SIPA1L1: variants seen among roughly 807,000 people sequenced by gnomAD.
SIPA1L1 encodes signal-induced proliferation-associated 1-like protein 1.
Under a neutral mutation model 162.7 loss-of-function variants are expected in SIPA1L1, and 26 were observed. The ratio of observed to expected loss-of-function variants is 0.16; its 90% confidence interval spans 0.12 to 0.22. The LOEUF (loss-of-function observed/expected upper bound fraction) is 0.22, where lower values mean the gene tolerates loss of function less well. SIPA1L1 is among the 10% of genes least tolerant of loss of function. SIPA1L1 has a pLI of 1.00. For synonymous variants in SIPA1L1, 829 were observed against 837.4 expected, an observed-to-expected ratio of 0.99 and a Z score of 0.17; for missense variants, 1,874 against 2,241.0, an observed-to-expected ratio of 0.84 and a Z score of 3.31.
intron 2 of SIPA1L1, among the ~76,000 whole-genome samples, chr14:71,470,271 A>T (rs749301064): frequency 7.2e-5 from 11 of 152,184 alleles, no homozygotes; most frequent in Non-Finnish European, 1.6e-4. Context: ...GTAGATCCTG[A>T]TACGGACACG....
rs562648006 is a variant in SIPA1L1, at chr14:71,476,073, T to C, written c.-464-36670T>C. On this transcript the variant is annotated intron_variant, in intron 2 of 23. Coordinates refer to ENST00000381232, the MANE Select transcript of SIPA1L1 (RefSeq NM_001386936.1). ...TAGAGGCACCGCAGTTGTGGTGGTCTTGATGACACAGTGCAGATGCTCCTG... is the reference window on the plus strand; with the variant it reads ...TAGAGGCACCGCAGTTGTGGTGGTCCTGATGACACAGTGCAGATGCTCCTG... Among the ~76,000 whole-genome samples the C allele has an allele frequency of 4.6e-5, 7 of 152,358 alleles. 1 individual carries two copies. The highest frequency in any genetic ancestry group is 1.7e-4 in the African/African-American group (7 of 41,578).
chr14:71,709,446 C>T lies in SIPA1L1; in HGVS notation c.3990C>T (p.Arg1330=). 6.2e-7 allele frequency: 1 copy of T among 1,614,240 alleles called. No homozygotes were observed. Among genetic ancestry groups the T allele is most frequent in the Non-Finnish European group, 8.5e-7 (1 of 1,180,046 alleles). The change falls in exon 17 of 24, where the codon CGC becomes CGT. Residue 1330 remains arginine, a synonymous_variant. Coordinates refer to ENST00000381232, the MANE Select transcript of SIPA1L1 (RefSeq NM_001386936.1). ...ASLGAATSSP[R]SGPGKEKVAP... ...TGGGGGCTGCCACATCGTCACCTCG[C>T]TCAGGGCCAGGCAAGGAGAAAGTGG...
At chr14:71,722,723 A>C (rs980192796) in intron 17 of SIPA1L1, among the ~76,000 whole-genome samples, 1 of 152,140 alleles carries the variant, frequency 6.6e-6, no homozygotes, top group African/African-American at 2.4e-5. Flanking sequence ...TTAGTCATGC[A>C]GACTTTAGTT....
chr14:71,469,129 C>T (rs2047249073), intron 2 of SIPA1L1, among the ~76,000 whole-genome samples: 1 of 151,670 alleles, frequency 6.6e-6, no homozygotes, highest in Admixed American at 6.5e-5. Flanking sequence ...TCCGCAGAGT[C>T]CACTGGAGTC....
At chr14:71,561,615 T>G (rs2056798364) in intron 4 of SIPA1L1, among the ~76,000 whole-genome samples, 1 of 152,246 alleles carries the variant, frequency 6.6e-6, no homozygotes, top group African/African-American at 2.4e-5. Flanking sequence ...TGGAGTTTCA[T>G]TCACTCTTGT....
chr14:71,492,415 G>C (rs1416970465), intron 2 of SIPA1L1, among the ~76,000 whole-genome samples: 1 of 152,170 alleles, frequency 6.6e-6, no homozygotes, highest in East Asian at 1.9e-4. Flanking sequence ...ATTTTAGTGT[G>C]TTCCTTTTCT....
chr14:71,476,117 AC>A (rs1456983786), intron 2 of SIPA1L1, among the ~76,000 whole-genome samples: 2 of 152,178 alleles, frequency 1.3e-5, no homozygotes, highest in African/African-American at 4.8e-5. Flanking sequence ...GGTTTCTGTG[AC>A]CTTTTCCTTT....
intron 2 of SIPA1L1, among the ~76,000 whole-genome samples, chr14:71,346,416 G>C (rs577343443): frequency 1.2e-4 from 18 of 152,182 alleles, no homozygotes; most frequent in Admixed American, 7.9e-4. Context: ...TTTATTCTGG[G>C]GTTTCATCCT....
chr14:71,403,335 C>T (rs754345712), intron 2 of SIPA1L1, among the ~76,000 whole-genome samples: 1 of 152,100 alleles, frequency 6.6e-6, no homozygotes, highest in Non-Finnish European at 1.5e-5. Context: ...CGCGGTGGCT[C>T]ACGCCTGTAA....
intron 4 of SIPA1L1, among the ~76,000 whole-genome samples, chr14:71,538,878 G>A (rs1171944117): frequency 6.6e-6 from 1 of 152,216 alleles, no homozygotes; most frequent in Admixed American, 6.5e-5. Context: ...AGTAGTTACA[G>A]TCTGTTCTTC....
chr14:71,644,836 C>T (rs1194186565), intron 7 of SIPA1L1, among the ~76,000 whole-genome samples: 1 of 152,172 alleles, frequency 6.6e-6, no homozygotes, highest in Non-Finnish European at 1.5e-5. Context: ...GACAATATCT[C>T]CCAAATACAC....
intron 2 of SIPA1L1, among the ~76,000 whole-genome samples, chr14:71,405,810 A>G (rs1429378237): frequency 1.3e-5 from 2 of 152,326 alleles, no homozygotes; most frequent in East Asian, 1.9e-4. Context: ...ACAGGCATCT[A>G]TATAGCTGTG....
At chr14:71,494,151 T>C (rs1337777996) in intron 2 of SIPA1L1, among the ~76,000 whole-genome samples, 1 of 152,248 alleles carries the variant, frequency 6.6e-6, no homozygotes, top group Non-Finnish European at 1.5e-5. Flanking sequence ...AGTTAGAATC[T>C]TCATTGGATT....
chr14:71,538,112 G>T (rs1194496988), intron 4 of SIPA1L1, among the ~76,000 whole-genome samples: 1 of 152,148 alleles, frequency 6.6e-6, no homozygotes, highest in African/African-American at 2.4e-5. Flanking sequence ...CTGTGAAGAG[G>T]CTATGAAATA....
chr14:71,671,522 C>T lies in SIPA1L1; in HGVS notation c.2659C>T (p.Leu887Phe), dbSNP rs772550284. Reference protein sequence around the residue: ...LLGISNEFIVLIEQETKSVVF... With the variant: ...LLGISNEFIVFIEQETKSVVF... The stretch of plus-strand genomic sequence containing the variant: ...AGGGATCTCCAATGAGTTCATTGTG[C>T]TCATTGAACAGGAAACAAAGAGCGT... Residue 887 changes from leucine to phenylalanine, a missense_variant, in exon 11 of 24, where the codon CTC (leucine) becomes TTC (phenylalanine). Transcript: ENST00000381232. 4.3e-6 allele frequency: 7 copies of T among 1,614,156 alleles called. No homozygotes were observed. In the South Asian group the frequency reaches 6.6e-5, roughly 15 times the overall value.
chr14:71,516,996 AT>A (rs955378353), intron 3 of SIPA1L1, among the ~76,000 whole-genome samples: 9 of 151,252 alleles, frequency 6.0e-5, no homozygotes, highest in East Asian at 1.9e-4. Context: ...AAACAAAAAC[AT>A]TTTTTTTTCT....
chr14:71,654,661 T>G (rs2042910873), intron 8 of SIPA1L1, among the ~76,000 whole-genome samples: 1 of 152,158 alleles, frequency 6.6e-6, no homozygotes, highest in Non-Finnish European at 1.5e-5. Context: ...GCAGATCATG[T>G]GATTGTCAAG....
chr14:71,739,249 C>G lies in SIPA1L1; in HGVS notation c.*88C>G. 7.5e-7 allele frequency: 1 copy of G among 1,325,718 alleles called. No homozygotes were observed. The highest frequency in any genetic ancestry group is 2.4e-5 in the Admixed American group (1 of 41,556). The allele number at this position is 1,325,718 out of a possible 1,614,324, so 82.1% of individuals were successfully genotyped here. A position where few individuals can be genotyped will look rare whatever the true frequency, so the allele number is the denominator to read the frequency against. ...TTATTCCCTCCATAGAAAGCATCCT[C>G]AGAGCACCTTCCCTGGCTTCCTACT... On this transcript the variant is annotated 3_prime_UTR_variant, in exon 24 of 24. Coordinates refer to ENST00000381232, the MANE Select transcript of SIPA1L1 (RefSeq NM_001386936.1).
At chr14:71,337,263 C>T (rs757280105) in intron 2 of SIPA1L1, among the ~76,000 whole-genome samples, 8 of 152,124 alleles carry the variant, frequency 5.3e-5, no homozygotes, top group East Asian at 3.8e-4. Context: ...ATCTTCAGTT[C>T]GTTTTCAGTT....
Sources: allele counts gnomAD v4.1 joint callset (sites outside exome capture counted in the v4.1 genomes callset), GRCh38; gene constraint gnomAD v4.1.1; transcripts MANE v1.5; gene names NCBI Gene and HGNC (gene_info 2026-07-23, HGNC 2026-07-21).